The following RANBP2 variants were observed in gnomAD, a reference collection of about 807,000 sequenced individuals.
RANBP2 encodes RAN binding protein 2.
In RANBP2, 57 loss-of-function variants were observed where a neutral mutation model predicts 303.6. The observed-to-expected ratio is 0.19, with a 90% confidence interval of 0.15 to 0.23. The LOEUF (loss-of-function observed/expected upper bound fraction) is 0.23, where lower values mean the gene tolerates loss of function less well. RANBP2 is among the 10% of genes least tolerant of loss of function. The pLI is 1.00. For synonymous variants in RANBP2, 1,167 were observed against 1,301.5 expected (o/e 0.90, Z 2.23); for missense variants, 3,138 against 3,780.8 (o/e 0.83, Z 4.46).
chr2:108,944,705 G>A, the RANBP2 span, among the ~76,000 whole-genome samples: 4 of 152,158 alleles, frequency 2.6e-5, no homozygotes, highest in Non-Finnish European at 5.9e-5. Context: ...CTGGGCCTGG[G>A]AGGGAGGGGC....
At chr2:109,361,456 G>A in the RANBP2 span, among the ~76,000 whole-genome samples, 1 of 152,084 alleles carries the variant, frequency 6.6e-6, no homozygotes, top group Admixed American at 6.5e-5. Context: ...TTTCTGTTTT[G>A]AAAGTTTATT....
chr2:109,079,066 A>G, the RANBP2 span, among the ~76,000 whole-genome samples: 3 of 152,116 alleles, frequency 2.0e-5, no homozygotes, highest in Non-Finnish European at 4.4e-5. Flanking sequence ...ATGTATATGT[A>G]CAGTTGACCC....
the RANBP2 span, among the ~76,000 whole-genome samples, chr2:109,323,563 C>T: frequency 2.0e-5 from 3 of 152,152 alleles, no homozygotes; most frequent in South Asian, 2.1e-4. Context: ...AAGTCTGAGC[C>T]CCCAGCGAAG....
At chr2:109,598,532 A>G in the RANBP2 span, among the ~76,000 whole-genome samples, 18 of 152,266 alleles carry the variant, frequency 1.2e-4, no homozygotes, top group East Asian at 3.5e-3. Flanking sequence ...ACAAAAAGCA[A>G]AAAGTGGCCT....
At chr2:109,647,308 C>T in the RANBP2 span, among the ~76,000 whole-genome samples, 9 of 151,698 alleles carry the variant, frequency 5.9e-5, no homozygotes, top group African/African-American at 1.9e-4. Context: ...GGACTACAGG[C>T]GTGTGCCACC....
At chr2:109,149,253 T>C in the RANBP2 span, among the ~76,000 whole-genome samples, 9 of 152,138 alleles carry the variant, frequency 5.9e-5, no homozygotes, top group African/African-American at 2.2e-4. Context: ...ACACTAAGAA[T>C]GTTCTATGGC....
chr2:109,597,677 G>GA, the RANBP2 span, among the ~76,000 whole-genome samples: 1 of 152,124 alleles, frequency 6.6e-6, no homozygotes, highest in Non-Finnish European at 1.5e-5. Flanking sequence ...TTTCCAAAAG[G>GA]AAAAATCCCA....
chr2:109,495,740 C>T, the RANBP2 span, among the ~76,000 whole-genome samples: 2 of 152,126 alleles, frequency 1.3e-5, no homozygotes, highest in African/African-American at 4.8e-5. Context: ...GATCCGCCCA[C>T]CTCGGATTCC....
chr2:109,161,574 A>G, the RANBP2 span, among the ~76,000 whole-genome samples: 17 of 151,670 alleles, frequency 1.1e-4, no homozygotes, highest in Non-Finnish European at 2.1e-4. Flanking sequence ...GTTAATAAAG[A>G]AAAAAAAGGT....
At chr2:109,506,932 C>A in the RANBP2 span, among the ~76,000 whole-genome samples, 1 of 152,300 alleles carries the variant, frequency 6.6e-6, no homozygotes, top group Admixed American at 6.5e-5. Context: ...GGTTCAGCCC[C>A]GTGCTCAGCC....
At chr2:108,867,765 A>G in the RANBP2 span, among the ~76,000 whole-genome samples, 1 of 152,354 alleles carries the variant, frequency 6.6e-6, no homozygotes, top group African/African-American at 2.4e-5. Context: ...GGGATGGGCA[A>G]CTGAAGGTTT....
chr2:109,009,246 A>T, the RANBP2 span, among the ~76,000 whole-genome samples: 1 of 152,126 alleles, frequency 6.6e-6, no homozygotes, highest in Non-Finnish European at 1.5e-5. Context: ...AGGCTGAGGC[A>T]GGAGAATGGC....
chr2:109,613,880 C>A, the RANBP2 span: 2 of 1,228,542 alleles, frequency 1.6e-6, no homozygotes, highest in Non-Finnish European at 2.0e-6. Context: ...CCCCGAGCGG[C>A]TGGTCCCGGC....
chr2:109,319,996 G>A, the RANBP2 span, among the ~76,000 whole-genome samples: 1 of 152,182 alleles, frequency 6.6e-6, no homozygotes, highest in Non-Finnish European at 1.5e-5. Context: ...AGTGGGGGGT[G>A]CTATTCTGGA....
the RANBP2 span, among the ~76,000 whole-genome samples, chr2:109,370,190 GGTCTCT>G: frequency 0.35 from 51,755 of 147,144 alleles, 10,014 homozygotes; most frequent in South Asian, 0.45. Flanking sequence ...TTGCTGTGGT[GGTCTCT>G]GTCTCTGTCT....
the RANBP2 span, among the ~76,000 whole-genome samples, chr2:109,673,499 G>C: frequency 6.6e-6 from 1 of 152,156 alleles, no homozygotes; most frequent in Non-Finnish European, 1.5e-5. Flanking sequence ...GCTCTGTTTT[G>C]CCTTGCTTTA....
At chr2:109,671,276 G>A in the RANBP2 span, among the ~76,000 whole-genome samples, 1 of 152,206 alleles carries the variant, frequency 6.6e-6, no homozygotes, top group Non-Finnish European at 1.5e-5. Flanking sequence ...AGAGTGGTAG[G>A]AGGTGGCCAG....
chr2:109,558,620 G>A, the RANBP2 span, among the ~76,000 whole-genome samples: 4 of 152,220 alleles, frequency 2.6e-5, no homozygotes, highest in East Asian at 3.9e-4. Context: ...CGTGGGCCTC[G>A]TGACAAGCCT....
chr2:109,246,213 A>G, the RANBP2 span, among the ~76,000 whole-genome samples: 1 of 152,226 alleles, frequency 6.6e-6, no homozygotes, highest in Non-Finnish European at 1.5e-5. Context: ...CCGTAAACGC[A>G]GTGGTTTAAA....
Sources: gnomAD v4.1 joint callset for allele counts (sites outside exome capture counted in the v4.1 genomes callset) on GRCh38, gnomAD v4.1.1 for gene constraint, MANE v1.5 for transcripts, NCBI Gene and HGNC (gene_info 2026-07-23, HGNC 2026-07-21) for gene names.